Variants in CDYL2 observed in about 807,000 individuals in gnomAD.
CDYL2 encodes chromodomain Y-like protein 2.
CDYL2 carries 23 observed loss-of-function variants against 49.4 expected under a neutral mutation model. The observed-to-expected ratio is 0.47, with a 90% CI of 0.34 to 0.66. CDYL2 has a LOEUF of 0.66. CDYL2 is among the 30% of genes least tolerant of loss of function. The probability of loss-of-function intolerance (pLI) is 0.01; values close to 1 mark genes in which losing one functional copy is unlikely to be tolerated. For synonymous variants in CDYL2, 360 were observed against 268.8 expected (o/e 1.34, Z -3.32); for missense variants, 678 against 656.4 (o/e 1.03, Z -0.36).
chr16:80,712,215 A>ATATC (rs763194077), intron 1 of CDYL2, among the ~76,000 whole-genome samples: 13 of 128,358 alleles, frequency 1.0e-4, no homozygotes, highest in East Asian at 4.2e-4. Flanking sequence ...ATATATATAT[A>ATATC]TCTCCAAACC....
chr16:80,718,633 C>A (rs1454916779), intron 1 of CDYL2, among the ~76,000 whole-genome samples: 1 of 152,200 alleles, frequency 6.6e-6, no homozygotes, highest in Non-Finnish European at 1.5e-5. Flanking sequence ...AAAAAGAATG[C>A]AGCTGAAGGA....
rs185606331 is a variant in CDYL2 at position 80,602,346 on chromosome 16, C to G, written c.*2042G>C. 9 of 152,308 alleles carry G rather than the reference C, an allele frequency of 5.9e-5. No individual in the cohort carries two copies. In the East Asian group the frequency reaches 1.4e-3, roughly 23 times the overall value. 9.4% of individuals were successfully genotyped at this position (152,308 alleles called of 1,614,324 possible). ...GGACTTTAATTCCATCCTCCTCTGG[C>G]TGAAGGAGAGGTTTCCCCTCCTTCC... On this transcript the variant is annotated 3_prime_UTR_variant, in exon 7 of 7. Transcript: ENST00000570137.
chr16:80,752,125 CA>C (rs1344890524), intron 1 of CDYL2, among the ~76,000 whole-genome samples: 3 of 136,754 alleles, frequency 2.2e-5, no homozygotes, highest in South Asian at 2.3e-4. Context: ...AATCTAAAAC[CA>C]AAAAAACATA....
At chr16:80,657,793 C>A (rs1908872989) in intron 2 of CDYL2, among the ~76,000 whole-genome samples, 2 of 152,068 alleles carry the variant, frequency 1.3e-5, no homozygotes, top group South Asian at 4.2e-4. Flanking sequence ...AGCAATCCCA[C>A]TTCTAGAAAT....
At chr16:80,674,711 A>G (rs1909670850) in intron 2 of CDYL2, among the ~76,000 whole-genome samples, 1 of 152,176 alleles carries the variant, frequency 6.6e-6, no homozygotes, top group Admixed American at 6.5e-5. Flanking sequence ...GAATCATATC[A>G]TATGTGGTTT....
rs368304873 is a variant in CDYL2, at chr16:80,665,872, G to C, written c.616+18666C>G. 3.4e-4 allele frequency among the ~76,000 whole-genome samples: 52 copies of C among 152,318 alleles called. No individual in the cohort carries two copies. The East Asian group carries it at 9.5e-3, about 28-fold the overall frequency. On this transcript the variant is annotated intron_variant, in intron 2 of 6. Transcript: ENST00000570137. ...TGTCCTGCAACCCATTCTTTGTGAT[G>C]TGGCAACAGGCACCCAGGGGCTGTC...
intron 1 of CDYL2, among the ~76,000 whole-genome samples, chr16:80,708,077 G>A (rs560907101): frequency 6.6e-6 from 1 of 152,296 alleles, no homozygotes; most frequent in Admixed American, 6.5e-5. Context: ...CCCATAGGAG[G>A]TTGTAGAGGA....
chr16:80,634,428 T>C (rs985685436), intron 2 of CDYL2, among the ~76,000 whole-genome samples: 2 of 152,040 alleles, frequency 1.3e-5, no homozygotes, highest in African/African-American at 4.8e-5. Context: ...TTCTCACACA[T>C]AGGTGGGAAT....
At chr16:80,794,735 C>G (rs749552445) in intron 1 of CDYL2, among the ~76,000 whole-genome samples, 2 of 151,322 alleles carry the variant, frequency 1.3e-5, no homozygotes, top group African/African-American at 2.4e-5. Flanking sequence ...CCTCAGCCTC[C>G]TGAGCAGCTG....
chr16:80,612,845 G>C lies in CDYL2; in HGVS notation c.1008-9C>G, dbSNP rs766087682. On this transcript the variant is annotated splice_polypyrimidine_tract_variant and intron_variant, in intron 4 of 6. Transcript: ENST00000570137. This position sits in a 1 kb window ranked among gnomAD's most constrained non-coding sequence, Gnocchi z 5.0. ...AGGCCTTCACAAAGTCCCTGGGAGA[G>C]AAAGAAGATCCTCTTGAACAGGTGA... The C allele has an allele frequency of 6.3e-7, 1 of 1,599,872 alleles. No individual in the cohort carries two copies. Among genetic ancestry groups the C allele is most frequent in the Non-Finnish European group, 8.5e-7 (1 of 1,172,336 alleles).
At chr16:80,692,053 T>A (rs1364078354) in intron 1 of CDYL2, among the ~76,000 whole-genome samples, 1 of 151,692 alleles carries the variant, frequency 6.6e-6, no homozygotes, top group Non-Finnish European at 1.5e-5. Flanking sequence ...TGAGAATAGA[T>A]ACCTAGAAGA....
At chr16:80,765,392 C>T (rs1317128784) in intron 1 of CDYL2, among the ~76,000 whole-genome samples, 1 of 151,660 alleles carries the variant, frequency 6.6e-6, no homozygotes, top group Non-Finnish European at 1.5e-5. Flanking sequence ...AAAGAAGTTA[C>T]ATATTTTCAG....
chr16:80,789,418 G>C (rs899292174), intron 1 of CDYL2, among the ~76,000 whole-genome samples: 9 of 152,102 alleles, frequency 5.9e-5, no homozygotes, highest in African/African-American at 2.2e-4. Flanking sequence ...TGGCCGACAT[G>C]GTGAAACCCC....
At position 80,684,806 on chromosome 16, in the gene CDYL2, T is replaced by C; in HGVS notation, c.348A>G (p.Pro116=). 1.2e-6 allele frequency: 2 copies of C among 1,614,206 alleles called. No individual in the cohort carries two copies. The highest frequency in any genetic ancestry group is 2.2e-5 in the South Asian group (2 of 91,076). The change falls in exon 2 of 7, where the codon CCA becomes CCG. Residue 116 remains proline, a synonymous_variant. Coordinates refer to ENST00000570137, the MANE Select transcript of CDYL2 (RefSeq NM_152342.4). ...RKRINPPLAK[P]KKGYSGKPSS... is the part of the protein sequence containing the mutation. Reference sequence around the variant, plus strand: ...AGGGCTTGCCTGAATACCCTTTTTTTGGCTTGGCCAGGGGAGGGTTAATTC... The same window carrying C: ...AGGGCTTGCCTGAATACCCTTTTTTCGGCTTGGCCAGGGGAGGGTTAATTC...
chr16:80,769,205 C>T (rs889891189), intron 1 of CDYL2, among the ~76,000 whole-genome samples: 2 of 152,154 alleles, frequency 1.3e-5, no homozygotes, highest in Non-Finnish European at 2.9e-5. Flanking sequence ...TTAGGAGCAC[C>T]TGCATTCTGG....
chr16:80,612,747 G>T lies in CDYL2; in HGVS notation c.1097C>A (p.Pro366His). 1 of 1,613,788 alleles carries T rather than the reference G, an allele frequency of 6.2e-7. No homozygotes were observed. The highest frequency in any genetic ancestry group is 8.5e-7 in the Non-Finnish European group (1 of 1,180,006). The change falls in exon 5 of 7, where the codon CCC (proline) becomes CAC (histidine). Residue 366 changes from proline to histidine, a missense_variant. Coordinates refer to ENST00000570137, the MANE Select transcript of CDYL2 (RefSeq NM_152342.4). This position sits in a 1 kb window ranked among gnomAD's most constrained non-coding sequence, Gnocchi z 5.0. ...ACTGGCCCACACGATGTCACAGAGG[G>T]GCAGGATGGAGGCACCCAGGCCCAG... ...PALGLGASIL[P>H]LCDIVWASEK...
chr16:80,684,323 G>A (rs1285952811), intron 2 of CDYL2, among the ~76,000 whole-genome samples: 1 of 152,164 alleles, frequency 6.6e-6, no homozygotes, highest in African/African-American at 2.4e-5. Context: ...TGGAGCATCA[G>A]AGGCTTAGCC....
Position 80,701,153 on chromosome 16 carries a change from A to T in CDYL2, c.25-16024T>A, listed in dbSNP as rs542994394. Among the ~76,000 whole-genome samples the T allele has an allele frequency of 1.2e-3, 180 of 152,394 alleles. 1 individual carries two copies. The highest frequency in any genetic ancestry group is 2.2e-3 in the Non-Finnish European group (152 of 68,036). ...CAACCAATTCTAAAGGGAAAAAAGC[A>T]ATAAACAGGGACTCTATCAAAGTAG... is the stretch of plus-strand genomic sequence containing the variant. On this transcript the variant is annotated intron_variant, in intron 1 of 6. Transcript: ENST00000570137.
chr16:80,685,277 A>T lies in CDYL2; in HGVS notation c.25-148T>A, dbSNP rs527545683. 6 of 635,290 alleles carry T rather than the reference A, an allele frequency of 9.4e-6. No homozygotes were observed. In the East Asian group the frequency reaches 1.6e-4, roughly 17 times the overall value. The allele number at this position is 635,290 out of a possible 1,614,324, so 39.4% of individuals were successfully genotyped here. On this transcript the variant is annotated intron_variant, in intron 1 of 6. Transcript: ENST00000570137. ...CACGAGCCATTCAATGCCAGAAGCC[A>T]ACACTGGCAGGAGGGTTCAAGAAGG...
Sources: allele counts gnomAD v4.1 joint callset (sites outside exome capture counted in the v4.1 genomes callset), GRCh38; gene constraint gnomAD v4.1.1; non-coding constraint Gnocchi (gnomAD v3.1); transcripts MANE v1.5; gene names NCBI Gene and HGNC (gene_info 2026-07-23, HGNC 2026-07-21).